Variants in TGFB2 observed in about 807,000 individuals in gnomAD.
TGFB2 encodes the protein transforming growth factor beta-2 proprotein.
Under a neutral mutation model 42.7 loss-of-function variants are expected in TGFB2, and 13 were observed. The ratio of observed to expected loss-of-function variants is 0.30; its 90% CI spans 0.20 to 0.48. TGFB2 has a LOEUF of 0.48. Ranked by LOEUF, TGFB2 falls within the 20% of genes least tolerant of loss-of-function variation. The pLI, the probability that TGFB2 is intolerant of heterozygous loss-of-function variation, is 0.99. For synonymous variants in TGFB2, 193 were observed against 193.6 expected (o/e 1.00, Z 0.03); for missense variants, 390 against 517.5 (o/e 0.75, Z 2.39).
At chr1:218,355,968 T>C (rs1571830159) in intron 1 of TGFB2, among the ~76,000 whole-genome samples, 1 of 152,212 alleles carries the variant, frequency 6.6e-6, no homozygotes, top group Admixed American at 6.5e-5. Flanking sequence ...TAGCGGTCTA[T>C]GTGCACATGG....
chr1:218,379,487 C>CTTTTTTT (rs59224313), intron 1 of TGFB2, among the ~76,000 whole-genome samples: 17 of 133,366 alleles, frequency 1.3e-4, no homozygotes, highest in Admixed American at 3.1e-4. Flanking sequence ...TTCTTTCTTT[C>CTTTTTTT]TTTTTTTTTT....
At chr1:218,422,225 T>A (rs1289358690) in intron 2 of TGFB2, among the ~76,000 whole-genome samples, 1 of 151,610 alleles carries the variant, frequency 6.6e-6, no homozygotes, top group East Asian at 1.9e-4. Context: ...TTGTTTTCTT[T>A]TTTTTTGTTT....
At chr1:218,396,917 C>T (rs1255352333) in intron 1 of TGFB2, among the ~76,000 whole-genome samples, 2 of 152,200 alleles carry the variant, frequency 1.3e-5, no homozygotes, top group Admixed American at 1.3e-4. Flanking sequence ...AGCTTTAGAA[C>T]TCTTCCTCTT....
At chr1:218,406,140 C>T (rs953510668) in intron 2 of TGFB2, among the ~76,000 whole-genome samples, 3 of 151,496 alleles carry the variant, frequency 2.0e-5, no homozygotes, top group South Asian at 2.1e-4. Flanking sequence ...AACTTTATCC[C>T]GTTTCCTTTT....
At chr1:218,396,225 T>C (rs1300200903) in intron 1 of TGFB2, among the ~76,000 whole-genome samples, 1 of 152,220 alleles carries the variant, frequency 6.6e-6, no homozygotes, top group African/African-American at 2.4e-5. Flanking sequence ...AGATCTAATA[T>C]GGAACCAAGT....
chr1:218,369,952 A>G (rs772434916), intron 1 of TGFB2, among the ~76,000 whole-genome samples: 6 of 152,240 alleles, frequency 3.9e-5, no homozygotes, highest in Non-Finnish European at 5.9e-5. Flanking sequence ...TAAGCTTTGA[A>G]CAGGAAGACT....
intron 1 of TGFB2, among the ~76,000 whole-genome samples, chr1:218,348,350 G>T (rs770136280): frequency 6.6e-6 from 1 of 152,080 alleles, no homozygotes; most frequent in Non-Finnish European, 1.5e-5. Flanking sequence ...TCTCTTAAAG[G>T]TTCTAGTTGC....
At chr1:218,410,076 G>A (rs373809146) in intron 2 of TGFB2, among the ~76,000 whole-genome samples, 11 of 152,176 alleles carry the variant, frequency 7.2e-5, no homozygotes, top group Admixed American at 2.6e-4. Context: ...GAGTTGCCTC[G>A]GCACAGATGT....
At position 218,437,329 on chromosome 1, in the gene TGFB2, T is replaced by TG. The variant is rs750499029; in HGVS notation, c.933-14_933-13insG. 12 of 1,555,740 alleles carry TG rather than the reference T, an allele frequency of 7.7e-6. No individual in the cohort carries two copies. In the Admixed American group the frequency reaches 2.2e-4, roughly 28 times the overall value. ...TTTAAAATCTCCATTGCTTTTTTTT[T>TG]TTTTTTTTAACAGAAATGTGCAGGA... On this transcript the variant is annotated splice_polypyrimidine_tract_variant and intron_variant, in intron 5 of 6. Transcript: ENST00000366930.
chr1:218,405,563 C>A, intron 2 of TGFB2: 1 of 613,562 alleles, frequency 1.6e-6, no homozygotes, highest in South Asian at 1.8e-5. Flanking sequence ...GATACGAGGT[C>A]TCACCGTGTT....
At chr1:218,369,479 G>A (rs1476993823) in intron 1 of TGFB2, among the ~76,000 whole-genome samples, 1 of 152,002 alleles carries the variant, frequency 6.6e-6, no homozygotes, top group Non-Finnish European at 1.5e-5. Flanking sequence ...TTTAGAAAAT[G>A]TTTTTCTGTT....
intron 1 of TGFB2, among the ~76,000 whole-genome samples, chr1:218,382,866 G>A (rs1049767506): frequency 1.3e-5 from 2 of 152,184 alleles, no homozygotes; most frequent in Non-Finnish European, 2.9e-5. Flanking sequence ...ACTTCCCGTA[G>A]GAGTTCTAGT....
chr1:218,399,135 C>CA (rs1658627310), intron 1 of TGFB2, among the ~76,000 whole-genome samples: 1 of 152,188 alleles, frequency 6.6e-6, no homozygotes, highest in South Asian at 2.1e-4. Context: ...CCAATCCTCC[C>CA]ACTTTGGCCT....
rs186933950 is a variant in TGFB2, at chr1:218,425,733, C to T, written c.511-8349C>T. Among the ~76,000 whole-genome samples, 7 of 152,284 alleles carry T rather than the reference C, an allele frequency of 4.6e-5. No individual in the cohort carries two copies. In the East Asian group the frequency reaches 7.7e-4, roughly 17 times the overall value. ...CAATATGGATTGTCCAAAAGGGGGA[C>T]GACCTTTCTCATTAAATAGTGAGTT... On this transcript the variant is annotated intron_variant, in intron 2 of 6. Transcript: ENST00000366930.
At chr1:218,348,590 C>G (rs888058699) in intron 1 of TGFB2, among the ~76,000 whole-genome samples, 4 of 152,198 alleles carry the variant, frequency 2.6e-5, no homozygotes, top group Non-Finnish European at 5.9e-5. Context: ...ATGGCACTAT[C>G]CGCAACAGCG....
rs1254800151 is a variant in TGFB2, at chr1:218,444,383, A to G, written c.*3021A>G. 1 of 152,152 alleles carries G rather than the reference A, an allele frequency of 6.6e-6. No homozygotes were observed. Among genetic ancestry groups the G allele is most frequent in the African/African-American group, 2.4e-5 (1 of 41,422 alleles). The allele number at this position is 152,152 out of a possible 1,614,324, so 9.4% of individuals were successfully genotyped here. On this transcript the variant is annotated 3_prime_UTR_variant, in exon 7 of 7. Transcript: ENST00000366930. ...TCTAGACAGTATCCCCTGTAGCCCC[A>G]TAACTTGGATAGTTGCTGAGCCAGC...
chr1:218,413,230 G>A (rs1255475645), intron 2 of TGFB2, among the ~76,000 whole-genome samples: 1 of 152,156 alleles, frequency 6.6e-6, no homozygotes, highest in Non-Finnish European at 1.5e-5. Context: ...AAAATTAGCT[G>A]GGCGCGGTGG....
intron 1 of TGFB2, among the ~76,000 whole-genome samples, chr1:218,390,031 C>T (rs1225845773): frequency 6.6e-6 from 1 of 152,214 alleles, no homozygotes; most frequent in Non-Finnish European, 1.5e-5. Flanking sequence ...ATATGTACCA[C>T]TCCACTATGG....
chr1:218,399,131 C>G (rs556361584), intron 1 of TGFB2, among the ~76,000 whole-genome samples: 1 of 152,144 alleles, frequency 6.6e-6, no homozygotes, highest in Non-Finnish European at 1.5e-5. Context: ...TTAACCAATC[C>G]TCCCACTTTG....
Sources: allele counts gnomAD v4.1 joint callset (sites outside exome capture counted in the v4.1 genomes callset), GRCh38; gene constraint gnomAD v4.1.1; transcripts MANE v1.5; gene names NCBI Gene and HGNC (gene_info 2026-07-23, HGNC 2026-07-21).